Variants in C2orf69 observed in about 807,000 individuals in gnomAD.
The protein encoded by C2orf69 is mitochondrial protein C2orf69.
In C2orf69, 19 loss-of-function variants were observed where a neutral mutation model predicts 29.5. The ratio of observed to expected loss-of-function variants is 0.65; its 90% CI spans 0.45 to 0.95. The LOEUF (loss-of-function observed/expected upper bound fraction) is 0.95, where lower values mean the gene tolerates loss of function less well. Among genes scored for constraint, C2orf69 ranks in the 40% least tolerant of loss-of-function variants. C2orf69 has a pLI of 0.00. For synonymous variants in C2orf69, 194 were observed against 180.0 expected (o/e 1.08, Z -0.62); for missense variants, 416 against 482.1 (o/e 0.86, Z 1.28).
Position 199,920,706 on chromosome 2 carries a change from C to G in C2orf69, c.334-4356C>G, listed in dbSNP as rs374770420. 4.6e-5 allele frequency among the ~76,000 whole-genome samples: 7 copies of G among 151,890 alleles called. No individual in the cohort carries two copies. In the East Asian group the frequency reaches 1.4e-3, roughly 30 times the overall value. On this transcript the variant is annotated intron_variant, in intron 1 of 1. Transcript: ENST00000319974. ...GCGCGGTGGCTCATGCCTGTAATCC[C>G]AGCACTTTGGGAGACCGAAGCGGGT...
In C2orf69 at chr2:199,911,618, G is replaced by GC; in HGVS notation, c.182dup (p.Gly62TrpfsTer54). On this transcript the variant is annotated frameshift_variant, in exon 1 of 2. Transcript: ENST00000319974. LOFTEE classifies it high-confidence loss of function. ...GTCAGTGCCTGCAGCTTTCCACCGT[G>GC]CCTGGAGCCGATCCGCAGCGCAGCA... 1 of 1,549,516 alleles carries GC rather than the reference G, an allele frequency of 6.5e-7. No homozygotes were observed.
rs57970244 is a variant in C2orf69 at position 199,927,308 on chromosome 2, T to TAAAAAAAAAAAAAAAAA, written c.*1426_*1442dup. Reference sequence around the variant, plus strand: ...GGGAAGTAACATGCTGCTTTAGGACTAAAAAAAAAAAAAAAAAAAAGACAC... The same window carrying TAAAAAAAAAAAAAAAAA: ...GGGAAGTAACATGCTGCTTTAGGACTAAAAAAAAAAAAAAAAAAAAAAAAAAAAAAAAAAAAAGACAC... On this transcript the variant is annotated 3_prime_UTR_variant, in exon 2 of 2. Transcript: ENST00000319974. The TAAAAAAAAAAAAAAAAA allele has an allele frequency of 8.7e-6, 1 of 115,504 alleles. No individual in the cohort carries two copies. The highest frequency in any genetic ancestry group is 1.8e-5 in the Non-Finnish European group (1 of 55,944). 7.2% of individuals were successfully genotyped at this position (115,504 alleles called of 1,614,324 possible).
chr2:199,911,731 C>T lies in C2orf69; in HGVS notation c.293C>T (p.Pro98Leu), dbSNP rs1381702688. Residue 98 changes from proline to leucine, a missense_variant, in exon 1 of 2, where the codon CCG (proline) becomes CTG (leucine). By Grantham distance (98) the Pro-to-Leu change is moderately conservative. Coordinates refer to ENST00000319974, the MANE Select transcript of C2orf69 (RefSeq NM_153689.6). ...GDPAKEEPQP[P>L]PQHHVLYFPG... is the part of the protein sequence containing the mutation. ...CCAGCGAAGGAGGAGCCGCAGCCGC[C>T]GCCCCAGCATCACGTCCTCTATTTC... The T allele has an allele frequency of 7.8e-6, 12 of 1,542,004 alleles. No individual in the cohort carries two copies. Among genetic ancestry groups the T allele is most frequent in the Non-Finnish European group, 1.0e-5 (12 of 1,146,930 alleles).
chr2:199,911,471 G>A lies in C2orf69; in HGVS notation c.33G>A (p.Pro11=). ...GGTTCAGGCTCCTGCGGTCGCCGCC[G>A]TTGCTGCTCCTGCTGCCGCAGCTCG... The part of the protein sequence containing the change: MWGFRLLRSP[P]LLLLLPQLGI... The change falls in exon 1 of 2, where the codon CCG becomes CCA. Residue 11 remains proline, a synonymous_variant. Coordinates refer to ENST00000319974, the MANE Select transcript of C2orf69 (RefSeq NM_153689.6). 4.5e-6 allele frequency: 7 copies of A among 1,545,346 alleles called. No homozygotes were observed. Among genetic ancestry groups the A allele is most frequent in the Non-Finnish European group, 5.2e-6 (6 of 1,144,444 alleles).
rs2077254608 is a variant in C2orf69, at chr2:199,911,305, C to T, written c.-134C>T. ...CGCGGACGTCGGCCTCTGACGTCGT[C>T]GCCTCAGCGCCGGCTCCCGGCCGGG... On this transcript the variant is annotated 5_prime_UTR_variant, in exon 1 of 2. Transcript: ENST00000319974. The T allele has an allele frequency of 2.7e-6, 3 of 1,095,552 alleles. No homozygotes were observed. The highest frequency in any genetic ancestry group is 7.9e-5 in the Admixed American group (2 of 25,254). 67.9% of individuals were successfully genotyped at this position (1,095,552 alleles called of 1,614,324 possible). A position where few individuals can be genotyped will look rare whatever the true frequency, so the allele number is the denominator to read the frequency against.
intron 1 of C2orf69, among the ~76,000 whole-genome samples, chr2:199,916,756 A>AGGTG (rs2077294174): frequency 6.6e-6 from 1 of 152,206 alleles, no homozygotes; most frequent in Admixed American, 6.5e-5. Flanking sequence ...CTGATGCAAG[A>AGGTG]GGTGGACTCC....
intron 1 of C2orf69, among the ~76,000 whole-genome samples, chr2:199,912,434 A>C (rs1157954268): frequency 6.6e-6 from 1 of 152,234 alleles, no homozygotes; most frequent in Non-Finnish European, 1.5e-5. Context: ...GGTAGCCATT[A>C]GCCATATATG....
chr2:199,923,671 A>G (rs1053009408), intron 1 of C2orf69, among the ~76,000 whole-genome samples: 4 of 152,238 alleles, frequency 2.6e-5, no homozygotes, highest in Non-Finnish European at 5.9e-5. Flanking sequence ...ATCCTCCAGT[A>G]ATTTTTAATA....
At chr2:199,915,732 G>T (rs535507644) in intron 1 of C2orf69, among the ~76,000 whole-genome samples, 1 of 151,950 alleles carries the variant, frequency 6.6e-6, no homozygotes, top group African/African-American at 2.4e-5. Flanking sequence ...GACCAGGCTG[G>T]TCTCAAACTC....
At chr2:199,918,018 G>A (rs533049552) in intron 1 of C2orf69, among the ~76,000 whole-genome samples, 1 of 152,310 alleles carries the variant, frequency 6.6e-6, no homozygotes, top group Admixed American at 6.5e-5. Flanking sequence ...AGAGCAAAGA[G>A]GGGGATGAGC....
intron 1 of C2orf69, among the ~76,000 whole-genome samples, chr2:199,913,193 TATATATA>T (rs1177163982): frequency 8.8e-5 from 9 of 101,838 alleles, no homozygotes; most frequent in Admixed American, 2.9e-4. Context: ...TTATATATAT[TATATATA>T]ATATATAATA....
rs1207813631 is a variant in C2orf69, at chr2:199,911,409, A to G, written c.-30A>G. ...CTCAGGAACCCCTCCGCCACCCTCC[A>G]CCTCCGAACCGCTCTCGCGGCGGCG... On this transcript the variant is annotated 5_prime_UTR_variant, in exon 1 of 2. Transcript: ENST00000319974. 1.4e-6 allele frequency: 2 copies of G among 1,459,780 alleles called. No homozygotes were observed. The highest frequency in any genetic ancestry group is 2.7e-5 in the Admixed American group (1 of 37,288). 90.4% of individuals were successfully genotyped at this position (1,459,780 alleles called of 1,614,324 possible). A position where few individuals can be genotyped will look rare whatever the true frequency, so the allele number is the denominator to read the frequency against.
chr2:199,918,518 C>T (rs537698130), intron 1 of C2orf69, among the ~76,000 whole-genome samples: 4 of 151,994 alleles, frequency 2.6e-5, no homozygotes, highest in South Asian at 2.1e-4. Flanking sequence ...TGTGCCACCA[C>T]GCCTGGGTAA....
intron 1 of C2orf69, among the ~76,000 whole-genome samples, chr2:199,920,969 A>G (rs2077313284): frequency 6.8e-6 from 1 of 146,958 alleles, no homozygotes; most frequent in Admixed American, 6.8e-5. Flanking sequence ...AAAAAAAAAA[A>G]AAAAAGTCAC....
intron 1 of C2orf69, among the ~76,000 whole-genome samples, chr2:199,914,563 C>T (rs1284004251): frequency 2.6e-5 from 4 of 152,100 alleles, no homozygotes; most frequent in Non-Finnish European, 4.4e-5. Context: ...AGTCACTTCC[C>T]ATGTCACTCA....
At chr2:199,912,341 A>C (rs868174465) in intron 1 of C2orf69, among the ~76,000 whole-genome samples, 1 of 152,186 alleles carries the variant, frequency 6.6e-6, no homozygotes. Flanking sequence ...TGTTATGTTT[A>C]TTATTTTATA....
chr2:199,912,218 T>C (rs1256963556), intron 1 of C2orf69, among the ~76,000 whole-genome samples: 1 of 152,006 alleles, frequency 6.6e-6, no homozygotes, highest in Admixed American at 6.6e-5. Flanking sequence ...ATTACAAAGG[T>C]ATGACATCCA....
At chr2:199,913,306 A>ATAATATATATTATATATAATATATATTC (rs2077278797) in intron 1 of C2orf69, among the ~76,000 whole-genome samples, 3 of 103,346 alleles carry the variant, frequency 2.9e-5, no homozygotes, top group African/African-American at 8.1e-5. Flanking sequence ...ATATTCTATT[A>ATAATATATATTATATATAATATATATTC]TAATATATAT....
rs528997192 is a variant in C2orf69, at chr2:199,924,778, A to G, written c.334-284A>G. Among the ~76,000 whole-genome samples the G allele has an allele frequency of 3.3e-5, 5 of 152,286 alleles. No individual in the cohort carries two copies. The South Asian group carries it at 8.3e-4, about 25-fold the overall frequency. ...TAAATAAAATTTGTTAAACATACCTATAACCCTTCAAAATTAAATTTTTAA... is the reference window on the plus strand; with the variant it reads ...TAAATAAAATTTGTTAAACATACCTGTAACCCTTCAAAATTAAATTTTTAA... On this transcript the variant is annotated intron_variant, in intron 1 of 1. Coordinates refer to ENST00000319974, the MANE Select transcript of C2orf69 (RefSeq NM_153689.6).
Sources: gnomAD v4.1 joint callset for allele counts (sites outside exome capture counted in the v4.1 genomes callset) on GRCh38, gnomAD v4.1.1 for gene constraint, MANE v1.5 for transcripts, NCBI Gene and HGNC (gene_info 2026-07-23, HGNC 2026-07-21) for gene names.